UBAP2: variants seen among roughly 807,000 people sequenced by gnomAD.
UBAP2 encodes ubiquitin-associated protein 2.
A neutral mutation model predicts 139.6 loss-of-function variants in UBAP2; 75 were observed. That is an observed-to-expected ratio of 0.54 (90% CI 0.45 to 0.65). The LOEUF (loss-of-function observed/expected upper bound fraction) is 0.65. Ranked by LOEUF, UBAP2 falls within the 30% of genes least tolerant of loss-of-function variation. The pLI is 0.00. For synonymous variants in UBAP2, 526 were observed against 526.2 expected, an observed-to-expected ratio of 1.00 and a Z score of 0.01; for missense variants, 1,368 against 1,369.6, an observed-to-expected ratio of 1.00 and a Z score of 0.02.
chr9:33,960,858 C>G lies in UBAP2; in HGVS notation c.766G>C (p.Glu256Gln), dbSNP rs759603469. ...GTCCAGTCTTCTGTTGTCCACTCTT[C>G]CACAGAATTCTTCCAAGCCCCTGTT... ...GLKGAWKNSV[E>Q]EWTTEDWTED... Residue 256 changes from glutamate (E) to glutamine (Q), a missense_variant, in exon 10 of 29, where the codon GAA becomes CAA. Physicochemically the swap from Glu to Gln is conservative, Grantham distance 29. Transcript: ENST00000379238. The G allele has an allele frequency of 6.2e-7, 1 of 1,613,908 alleles. No homozygotes were observed. Among genetic ancestry groups the G allele is most frequent in the Non-Finnish European group, 8.5e-7 (1 of 1,179,996 alleles).
chr9:34,022,852 G>A (rs1225941003), intron 1 of UBAP2, among the ~76,000 whole-genome samples: 2 of 152,154 alleles, frequency 1.3e-5, no homozygotes, highest in African/African-American at 2.4e-5. Flanking sequence ...TAAGAAGTGA[G>A]TAGTTTACTC....
At chr9:34,014,355 G>A (rs987337492) in intron 2 of UBAP2, among the ~76,000 whole-genome samples, 5 of 141,154 alleles carry the variant, frequency 3.5e-5, no homozygotes, top group African/African-American at 5.2e-5. Flanking sequence ...AAAAGGTCAG[G>A]TGCGGTGGCT....
At position 33,968,075 on chromosome 9, in the gene UBAP2, C is replaced by A. The variant is rs1372851456; in HGVS notation, c.679+3576G>T. The A allele has an allele frequency of 2.2e-5, 10 of 460,588 alleles. No individual in the cohort carries two copies. The East Asian group carries it at 4.4e-4, about 20-fold the overall frequency. 28.5% of individuals were successfully genotyped at this position (460,588 alleles called of 1,614,324 possible). On this transcript the variant is annotated intron_variant, in intron 8 of 28. Transcript: ENST00000379238. The stretch of plus-strand genomic sequence containing the variant: ...GATTTCTTCTCAAAAGGCACTCTAA[C>A]TTATCAGATTGCCCGGCAGTTACAT...
intron 16 of UBAP2, among the ~76,000 whole-genome samples, chr9:33,938,234 T>G (rs1824771062): frequency 2.0e-5 from 3 of 152,202 alleles, no homozygotes; most frequent in Middle Eastern, 6.8e-3. Context: ...GCTCAAGTGA[T>G]CCACCTGCCT....
chr9:33,925,677 C>G (rs1213035027), intron 22 of UBAP2, among the ~76,000 whole-genome samples: 1 of 152,176 alleles, frequency 6.6e-6, no homozygotes, highest in Non-Finnish European at 1.5e-5. Context: ...TCTGGAAATA[C>G]GGCCAGCCAG....
chr9:33,984,903 A>T (rs1821074193), intron 6 of UBAP2, among the ~76,000 whole-genome samples: 1 of 152,200 alleles, frequency 6.6e-6, no homozygotes, highest in Non-Finnish European at 1.5e-5. Flanking sequence ...TGAACCCAGG[A>T]GTTCAAGACT....
At chr9:33,982,134 TA>T (rs971597430) in intron 6 of UBAP2, among the ~76,000 whole-genome samples, 1 of 151,866 alleles carries the variant, frequency 6.6e-6, no homozygotes, top group Non-Finnish European at 1.5e-5. Context: ...AGGAAAGTCC[TA>T]AAAAAAATCT....
At chr9:34,040,248 C>T (rs1168577260) in intron 1 of UBAP2, among the ~76,000 whole-genome samples, 2 of 139,600 alleles carry the variant, frequency 1.4e-5, no homozygotes, top group African/African-American at 5.4e-5. Context: ...CCCTTAAACT[C>T]GGGAGGCGGA....
chr9:33,984,001 TC>T lies in UBAP2; in HGVS notation c.520+2758del, dbSNP rs1291853221. Among the ~76,000 whole-genome samples the T allele has an allele frequency of 2.0e-5, 3 of 151,874 alleles. No homozygotes were observed. The East Asian group carries it at 5.8e-4, about 29-fold the overall frequency. ...ATCTCGGCTCACTGCAGCCTCCACT[TC>T]CCCCAGTTCTCGTGCCTCAGCGTCC... On this transcript the variant is annotated intron_variant, in intron 6 of 28. Coordinates refer to ENST00000379238, the MANE Select transcript of UBAP2 (RefSeq NM_001370062.2).
intron 15 of UBAP2, among the ~76,000 whole-genome samples, chr9:33,942,737 A>AAG (rs1554681694): frequency 8.3e-4 from 124 of 149,304 alleles, no homozygotes; most frequent in African/African-American, 1.3e-3. Flanking sequence ...CAAAAAAAAA[A>AAG]AAAAGAAAAG....
At chr9:33,953,534 G>T in intron 11 of UBAP2, 60 bp from the exon 12 acceptor site, 1 of 1,500,492 alleles carries the variant, frequency 6.7e-7, no homozygotes, top group East Asian at 2.3e-5. Flanking sequence ...ACAAATGAAT[G>T]TGAGAAGTCA....
chr9:34,031,790 AAAAAAAAAAAAAAGAAAG>A lies in UBAP2; in HGVS notation c.-41-14619_-41-14602del, dbSNP rs1825913288. Among the ~76,000 whole-genome samples the A allele has an allele frequency of 3.5e-5, 4 of 113,746 alleles. No individual in the cohort carries two copies. In the South Asian group the frequency reaches 9.9e-4, roughly 28 times the overall value. 74.6% of individuals were successfully genotyped at this position (113,746 alleles called of 152,430 possible). A position where few individuals can be genotyped will look rare whatever the true frequency, so the allele number is the denominator to read the frequency against. On this transcript the variant is annotated intron_variant, in intron 1 of 28. Transcript: ENST00000379238. ...ACACAGCAAGACCCTGTCCCAAACC[AAAAAAAAAAAAAAGAAAG>A]AAAAAAAGAGGATCTATTTCCTATG...
In UBAP2 at chr9:33,922,467, G is replaced by A. The variant is rs192873385; in HGVS notation, c.*37C>T. The A allele has an allele frequency of 2.9e-4, 456 of 1,596,370 alleles. 6 individuals carry two copies. In the East Asian group the frequency reaches 8.9e-3, roughly 31 times the overall value. On this transcript the variant is annotated 3_prime_UTR_variant, in exon 29 of 29. Coordinates refer to ENST00000379238, the MANE Select transcript of UBAP2 (RefSeq NM_001370062.2). Reference sequence around the variant, plus strand: ...TGCTCGTGTGTTCTCTCCTGCCCAGGATAAGCCTTGCCCCAGCCCACCCCT... The same window carrying A: ...TGCTCGTGTGTTCTCTCCTGCCCAGAATAAGCCTTGCCCCAGCCCACCCCT...
At chr9:33,963,161 GAT>G (rs1827198960) in intron 9 of UBAP2, among the ~76,000 whole-genome samples, 1 of 152,132 alleles carries the variant, frequency 6.6e-6, no homozygotes, top group Non-Finnish European at 1.5e-5. Context: ...CAGCGAAACA[GAT>G]AGTTATAAGC....
Position 34,006,644 on chromosome 9 carries a change from T to C in UBAP2, c.100-7780A>G, listed in dbSNP as rs540688148. Among the ~76,000 whole-genome samples the C allele has an allele frequency of 2.0e-5, 3 of 151,982 alleles. No individual in the cohort carries two copies. In the East Asian group the frequency reaches 5.8e-4, roughly 29 times the overall value. On this transcript the variant is annotated intron_variant, in intron 2 of 28. Coordinates refer to ENST00000379238, the MANE Select transcript of UBAP2 (RefSeq NM_001370062.2). ...GGAGCAGTGAGCATGACCGTGCCAC[T>C]GCACTCCAGTCTGGGTGACAAAGTG...
intron 16 of UBAP2, among the ~76,000 whole-genome samples, chr9:33,940,847 T>C (rs1305802119): frequency 2.6e-5 from 4 of 152,244 alleles, no homozygotes; most frequent in African/African-American, 9.6e-5. Context: ...TTAGCATTTC[T>C]TATCAATAAA....
intron 22 of UBAP2, 21 bp downstream of exon 22, chr9:33,926,596 A>G: frequency 1.2e-6 from 2 of 1,614,060 alleles, no homozygotes; most frequent in African/African-American, 1.3e-5. Flanking sequence ...CTCTGCTCCG[A>G]CCAGTCCATA....
At chr9:33,978,732 A>T (rs145546972) in intron 6 of UBAP2, among the ~76,000 whole-genome samples, 6,867 of 152,256 alleles carry the variant, frequency 0.045, 218 homozygotes, top group Non-Finnish European at 0.068. Flanking sequence ...ATGAGCCGAG[A>T]TTGTGCCACT....
At chr9:34,017,906 G>A (rs1418456285) in intron 1 of UBAP2, among the ~76,000 whole-genome samples, 1 of 150,068 alleles carries the variant, frequency 6.7e-6, no homozygotes, top group African/African-American at 2.5e-5. Context: ...CAGCCTTGGC[G>A]ACAGAGCGAG....
Sources: allele counts gnomAD v4.1 joint callset (sites outside exome capture counted in the v4.1 genomes callset), GRCh38; gene constraint gnomAD v4.1.1; transcripts MANE v1.5; gene names NCBI Gene and HGNC (gene_info 2026-07-23, HGNC 2026-07-21).